Variants in SPRED1 observed in about 807,000 individuals in gnomAD.
The protein encoded by SPRED1 is sprouty related EVH1 domain containing 1.
A neutral mutation model predicts 52.3 loss-of-function variants in SPRED1; 18 were observed. The ratio of observed to expected loss-of-function variants is 0.34; its 90% CI spans 0.24 to 0.51. SPRED1 has a LOEUF of 0.51. Among genes scored for constraint, SPRED1 ranks in the 20% least tolerant of loss-of-function variants. The probability of loss-of-function intolerance (pLI) is 0.97; values close to 1 mark genes in which losing one functional copy is unlikely to be tolerated. For synonymous variants in SPRED1, 155 were observed against 179.7 expected (o/e 0.86, Z 1.10); for missense variants, 485 against 551.0 (o/e 0.88, Z 1.20).
At chr15:38,339,711 A>G (rs1442605291) in intron 4 of SPRED1, 26 bp from the exon 5 acceptor site, 3 of 1,611,100 alleles carry the variant, frequency 1.9e-6, no homozygotes, top group East Asian at 2.2e-5. Context: ...TCTGGCAACT[A>G]ATGCATTGAG....
intron 2 of SPRED1, among the ~76,000 whole-genome samples, chr15:38,311,766 C>T (rs1295005899): frequency 1.3e-5 from 2 of 152,030 alleles, no homozygotes; most frequent in African/African-American, 2.4e-5. Flanking sequence ...AGCAGTATCC[C>T]GTTTCATTCC....
intron 1 of SPRED1, among the ~76,000 whole-genome samples, chr15:38,270,012 A>G (rs1279998160): frequency 6.8e-6 from 1 of 147,222 alleles, no homozygotes; most frequent in Admixed American, 7.0e-5. Context: ...GGTTCAAGTG[A>G]TTCTCCTGCC....
rs532559728 is a variant in SPRED1 at position 38,262,243 on chromosome 15, C to T, written c.32+9026C>T. On this transcript the variant is annotated intron_variant, in intron 1 of 6. Transcript: ENST00000299084. Reference sequence around the variant, plus strand: ...GTGCTTACTAGGCACTTGACTTTTGCCTTAGCTTTGGAGATACAAAGATAA... The same window carrying T: ...GTGCTTACTAGGCACTTGACTTTTGTCTTAGCTTTGGAGATACAAAGATAA... Among the ~76,000 whole-genome samples, 5 of 152,270 alleles carry T rather than the reference C, an allele frequency of 3.3e-5. No homozygotes were observed. In the South Asian group the frequency reaches 1.0e-3, roughly 32 times the overall value.
intron 3 of SPRED1, among the ~76,000 whole-genome samples, chr15:38,324,070 C>G (rs1177796576): frequency 6.6e-6 from 1 of 152,114 alleles, no homozygotes; most frequent in Admixed American, 6.6e-5. Flanking sequence ...TTTACTCGAC[C>G]TTCTGTGACA....
At chr15:38,308,658 T>G (rs1238630954) in intron 2 of SPRED1, among the ~76,000 whole-genome samples, 3 of 152,206 alleles carry the variant, frequency 2.0e-5, no homozygotes, top group African/African-American at 7.2e-5. Context: ...ATCCAGGTTA[T>G]TGAGTATCTC....
At chr15:38,275,376 C>G (rs1310937657) in intron 1 of SPRED1, among the ~76,000 whole-genome samples, 2 of 152,134 alleles carry the variant, frequency 1.3e-5, no homozygotes, top group African/African-American at 4.8e-5. Context: ...TTTTCTTGCC[C>G]AGCTTTGGAA....
intron 1 of SPRED1, among the ~76,000 whole-genome samples, chr15:38,260,645 C>G (rs953810929): frequency 2.0e-5 from 3 of 151,972 alleles, no homozygotes; most frequent in Non-Finnish European, 4.4e-5. Context: ...AATAAAGAAC[C>G]GCATTATTAC....
chr15:38,308,445 A>T (rs1214187717), intron 2 of SPRED1, among the ~76,000 whole-genome samples: 1 of 152,200 alleles, frequency 6.6e-6, no homozygotes, highest in Non-Finnish European at 1.5e-5. Context: ...CAAGATGCAA[A>T]ACAGTTTAAC....
At chr15:38,311,355 A>G (rs1799986899) in intron 2 of SPRED1, among the ~76,000 whole-genome samples, 1 of 152,148 alleles carries the variant, frequency 6.6e-6, no homozygotes, top group Non-Finnish European at 1.5e-5. Flanking sequence ...ATTTAAGTTC[A>G]TTAGAGATAA....
At chr15:38,346,813 GA>G (rs1896147728) in intron 5 of SPRED1, among the ~76,000 whole-genome samples, 1 of 152,154 alleles carries the variant, frequency 6.6e-6, no homozygotes. Context: ...GGACAAATTG[GA>G]CTTTAGGATT....
intron 1 of SPRED1, among the ~76,000 whole-genome samples, chr15:38,280,500 C>A (rs1203787694): frequency 7.3e-6 from 1 of 136,478 alleles, no homozygotes; most frequent in Non-Finnish European, 1.6e-5. Flanking sequence ...TGGATATCAT[C>A]TTTGCGTTAG....
intron 3 of SPRED1, among the ~76,000 whole-genome samples, 181 bp from the exon 4 acceptor site, chr15:38,324,582 C>G (rs984599734): frequency 3.2e-4 from 48 of 152,130 alleles, no homozygotes; most frequent in African/African-American, 1.2e-3. Flanking sequence ...GAAATAATTA[C>G]ATTATTCTCC....
intron 2 of SPRED1, among the ~76,000 whole-genome samples, chr15:38,304,171 T>C (rs1036006497): frequency 1.2e-4 from 18 of 152,176 alleles, no homozygotes; most frequent in Non-Finnish European, 2.4e-4. Context: ...AAAATGAGAC[T>C]CACCCCTTTC....
chr15:38,334,898 T>G (rs1385014143), intron 4 of SPRED1, among the ~76,000 whole-genome samples: 1 of 151,956 alleles, frequency 6.6e-6, no homozygotes, highest in Non-Finnish European at 1.5e-5. Context: ...CGGATTTTTT[T>G]TTTTTCCAGT....
At chr15:38,320,394 G>C (rs1895577656) in intron 2 of SPRED1, among the ~76,000 whole-genome samples, 1 of 152,182 alleles carries the variant, frequency 6.6e-6, no homozygotes, top group African/African-American at 2.4e-5. Context: ...ACAAAGACCA[G>C]CTCATGCAGG....
intron 1 of SPRED1, among the ~76,000 whole-genome samples, chr15:38,289,515 A>T (rs1894878129): frequency 6.6e-6 from 1 of 151,396 alleles, no homozygotes. Flanking sequence ...GTATGTTAGG[A>T]TTTTGCAACT....
intron 3 of SPRED1, 95 bp downstream of exon 3, chr15:38,322,504 T>C (rs1458579024): frequency 1.5e-6 from 2 of 1,297,122 alleles, no homozygotes; most frequent in East Asian, 2.4e-5. Flanking sequence ...TTTCACACTT[T>C]AACCATGTCA....
intron 1 of SPRED1, among the ~76,000 whole-genome samples, chr15:38,270,137 C>T (rs1372993889): frequency 1.3e-5 from 2 of 152,022 alleles, no homozygotes. Context: ...GAACTCCCGA[C>T]CTCAGGTGAT....
At chr15:38,336,424 A>G (rs1851518) in intron 4 of SPRED1, among the ~76,000 whole-genome samples, 7,585 of 29,462 alleles carry the variant, frequency 0.26, 401 homozygotes, top group African/African-American at 0.39. Flanking sequence ...ATGTGTGTGT[A>G]TATATATATA....
Sources: gnomAD v4.1 joint callset for allele counts (sites outside exome capture counted in the v4.1 genomes callset) on GRCh38, gnomAD v4.1.1 for gene constraint, MANE v1.5 for transcripts, NCBI Gene and HGNC (gene_info 2026-07-23, HGNC 2026-07-21) for gene names.